CNTNAP2: variants seen among roughly 807,000 people sequenced by gnomAD.
CNTNAP2 encodes the protein contactin-associated protein-like 2.
In CNTNAP2, 98 loss-of-function variants were observed where a neutral mutation model predicts 155.2. That is an observed-to-expected ratio of 0.63 (90% CI 0.54 to 0.75). CNTNAP2 has a LOEUF of 0.75. CNTNAP2 is among the 30% of genes least tolerant of loss of function. The pLI is 0.00. For synonymous variants in CNTNAP2, 651 were observed against 631.2 expected, an observed-to-expected ratio of 1.03 and a Z score of -0.47; for missense variants, 1,727 against 1,688.1, an observed-to-expected ratio of 1.02 and a Z score of -0.40.
intron 8 of CNTNAP2, among the ~76,000 whole-genome samples, chr7:147,281,875 C>T (rs1445885694): frequency 6.6e-6 from 1 of 151,714 alleles, no homozygotes; most frequent in African/African-American, 2.4e-5. Context: ...GAGACCCTTC[C>T]CTTGACTATG....
At chr7:148,072,881 T>G (rs1351113292) in intron 15 of CNTNAP2, among the ~76,000 whole-genome samples, 1 of 152,196 alleles carries the variant, frequency 6.6e-6, no homozygotes, top group Non-Finnish European at 1.5e-5. Flanking sequence ...CTAATTTTTG[T>G]ATTTTTAGTA....
intron 19 of CNTNAP2, among the ~76,000 whole-genome samples, chr7:148,223,478 A>C (rs4726927): frequency 0.99 from 150,223 of 152,276 alleles, 74,132 homozygotes; most frequent in East Asian, 1. Context: ...AATAAAAGAG[A>C]AGTCCCTTAT....
chr7:146,623,142 A>G (rs1023293044), intron 1 of CNTNAP2, among the ~76,000 whole-genome samples: 1 of 152,122 alleles, frequency 6.6e-6, no homozygotes, highest in Non-Finnish European at 1.5e-5. Flanking sequence ...CTAGTCTTGC[A>G]AACTCTATTT....
At chr7:147,907,521 T>C (rs1453223802) in intron 14 of CNTNAP2, among the ~76,000 whole-genome samples, 8 of 152,138 alleles carry the variant, frequency 5.3e-5, no homozygotes. Context: ...TGGGGTTGCT[T>C]CTAGAGACAC....
chr7:148,088,819 C>G (rs1297478850), intron 15 of CNTNAP2, among the ~76,000 whole-genome samples: 1 of 151,864 alleles, frequency 6.6e-6, no homozygotes, highest in Non-Finnish European at 1.5e-5. Context: ...ACCAGGCCAG[C>G]ATTACCCTGA....
intron 21 of CNTNAP2, among the ~76,000 whole-genome samples, chr7:148,322,374 G>A (rs6464870): frequency 6.6e-6 from 1 of 152,080 alleles, no homozygotes; most frequent in Admixed American, 6.6e-5. Context: ...AGAAACAAGT[G>A]TAATAAGAAA....
At chr7:147,938,691 C>G (rs1484208958) in intron 14 of CNTNAP2, among the ~76,000 whole-genome samples, 1 of 152,052 alleles carries the variant, frequency 6.6e-6, no homozygotes, top group Non-Finnish European at 1.5e-5. Flanking sequence ...TAAACTGGTA[C>G]AATTTATAAA....
At chr7:146,315,305 G>A (rs1338049991) in intron 1 of CNTNAP2, among the ~76,000 whole-genome samples, 4 of 152,072 alleles carry the variant, frequency 2.6e-5, no homozygotes, top group African/African-American at 4.8e-5. Flanking sequence ...CTGCAAGTGG[G>A]GTGATCTAAG....
chr7:147,948,900 GTTA>G (rs745839894), intron 14 of CNTNAP2, among the ~76,000 whole-genome samples: 5 of 151,994 alleles, frequency 3.3e-5, no homozygotes, highest in Non-Finnish European at 7.4e-5. Flanking sequence ...AAAAGAAAAT[GTTA>G]TTAAGAAAAT....
At chr7:146,205,235 A>G (rs1181115936) in intron 1 of CNTNAP2, among the ~76,000 whole-genome samples, 1 of 151,986 alleles carries the variant, frequency 6.6e-6, no homozygotes, top group Non-Finnish European at 1.5e-5. Context: ...AGACAAGTCA[A>G]GTGGTTCAGA....
chr7:146,818,972 A>G (rs1391106671), intron 2 of CNTNAP2, among the ~76,000 whole-genome samples: 1 of 152,142 alleles, frequency 6.6e-6, no homozygotes, highest in Non-Finnish European at 1.5e-5. Flanking sequence ...TAATACAAAA[A>G]ATGTGGAGTT....
intron 11 of CNTNAP2, among the ~76,000 whole-genome samples, chr7:147,531,730 A>G (rs1042698261): frequency 2.6e-5 from 4 of 152,046 alleles, no homozygotes; most frequent in Admixed American, 1.3e-4. Context: ...CTTGGGGATA[A>G]CATTAGGCTC....
intron 21 of CNTNAP2, among the ~76,000 whole-genome samples, chr7:148,272,649 A>T (rs1390914571): frequency 5.9e-5 from 9 of 152,312 alleles, no homozygotes; most frequent in Non-Finnish European, 1.3e-4. Flanking sequence ...AGATAAAAAA[A>T]ATATATACAA....
chr7:147,603,305 T>C (rs1442807453), intron 12 of CNTNAP2, among the ~76,000 whole-genome samples: 1 of 152,218 alleles, frequency 6.6e-6, no homozygotes, highest in Non-Finnish European at 1.5e-5. Flanking sequence ...TGTCTGTTTA[T>C]ATCCTTTGCC....
At chr7:146,328,156 C>G (rs1361366224) in intron 1 of CNTNAP2, among the ~76,000 whole-genome samples, 2 of 152,170 alleles carry the variant, frequency 1.3e-5, no homozygotes, top group African/African-American at 2.4e-5. Context: ...CATTTAGATT[C>G]TCATAGGAGC....
intron 3 of CNTNAP2, among the ~76,000 whole-genome samples, chr7:146,973,042 T>C (rs1208374694): frequency 6.6e-6 from 1 of 152,158 alleles, no homozygotes; most frequent in Non-Finnish European, 1.5e-5. Flanking sequence ...CTCTCTCTCT[T>C]TTTTAAAGGA....
At chr7:147,488,950 C>A (rs1286312959) in intron 11 of CNTNAP2, among the ~76,000 whole-genome samples, 1 of 152,192 alleles carries the variant, frequency 6.6e-6, no homozygotes, top group East Asian at 1.9e-4. Context: ...ATGTGGTACT[C>A]AATAAATTTT....
chr7:146,453,954 T>A (rs13230980), intron 1 of CNTNAP2, among the ~76,000 whole-genome samples: 88,617 of 151,896 alleles, frequency 0.58, 28,846 homozygotes, highest in South Asian at 0.82. Flanking sequence ...AGGAGAAATG[T>A]TTGAAGAAAT....
At chr7:146,930,976 C>T (rs1796740889) in intron 3 of CNTNAP2, among the ~76,000 whole-genome samples, 1 of 152,118 alleles carries the variant, frequency 6.6e-6, no homozygotes, top group African/African-American at 2.4e-5. Flanking sequence ...GACTCCCACA[C>T]AATAATAATG....
Sources: allele counts gnomAD v4.1 joint callset (sites outside exome capture counted in the v4.1 genomes callset), GRCh38; gene constraint gnomAD v4.1.1; transcripts MANE v1.5; gene names NCBI Gene and HGNC (gene_info 2026-07-23, HGNC 2026-07-21).